FAM193A: variants seen among roughly 807,000 people sequenced by gnomAD.
FAM193A encodes family with sequence similarity 193 member A, also known as protein FAM193A.
Under a neutral mutation model 126.5 loss-of-function variants are expected in FAM193A, and 22 were observed. The observed-to-expected ratio is 0.17, with a 90% CI of 0.12 to 0.25. The LOEUF (loss-of-function observed/expected upper bound fraction) is 0.25. Ranked by LOEUF, FAM193A falls within the 10% of genes least tolerant of loss-of-function variation. The pLI, the probability that FAM193A is intolerant of heterozygous loss-of-function variation, is 1.00. For synonymous variants in FAM193A, 761 were observed against 646.8 expected (o/e 1.18, Z -2.68); for missense variants, 1,675 against 1,672.8 (o/e 1.00, Z -0.02).
At chr4:2,641,519 G>T (rs1744624950) in intron 6 of FAM193A, among the ~76,000 whole-genome samples, 1 of 152,110 alleles carries the variant, frequency 6.6e-6, no homozygotes, top group Non-Finnish European at 1.5e-5. Context: ...GCCGGGCGTA[G>T]TGGCGCATGC....
At chr4:2,536,570 G>T (rs1441549210), upstream of FAM193A, 1 of 147,980 alleles carries the variant, frequency 6.8e-6, no homozygotes, top group South Asian at 2.1e-4. Flanking sequence ...GAGTAAGGCG[G>T]GGTGGGGGTG....
rs116143348 is a variant in FAM193A at position 2,565,343 on chromosome 4, T to A, written c.255+28173T>A. Among the ~76,000 whole-genome samples, 1,113 of 141,020 alleles carry A rather than the reference T, an allele frequency of 7.9e-3. 14 individuals are homozygous for A. Among genetic ancestry groups the A allele is most frequent in the African/African-American group, 0.024 (944 of 38,988 alleles). 92.5% of individuals were successfully genotyped at this position (141,020 alleles called of 152,430 possible). On this transcript the variant is annotated intron_variant, in intron 1 of 20. Transcript: ENST00000637812. ...GGTGCGATTTCAGTTTACTACATCCTCTGCCTCCCAGGTTCAAGCAATTCT... is the reference window on the plus strand; with the variant it reads ...GGTGCGATTTCAGTTTACTACATCCACTGCCTCCCAGGTTCAAGCAATTCT...
chr4:2,536,468 C>T (rs1026348758), upstream of FAM193A, among the ~76,000 whole-genome samples: 1 of 151,438 alleles, frequency 6.6e-6, no homozygotes, highest in Non-Finnish European at 1.5e-5. Context: ...ACGGGCAGCA[C>T]GGACTTCAGT....
At chr4:2,544,360 G>A (rs755219001) in intron 1 of FAM193A, among the ~76,000 whole-genome samples, 11 of 151,946 alleles carry the variant, frequency 7.2e-5, no homozygotes, top group Non-Finnish European at 1.3e-4. Flanking sequence ...AGGAGTTCAG[G>A]ACCAGCTTGA....
chr4:2,655,003 G>T, intron 7 of FAM193A: 1 of 612,312 alleles, frequency 1.6e-6, no homozygotes, highest in South Asian at 1.9e-5. Flanking sequence ...TACAAATAAT[G>T]ATAGGTTTAT....
At chr4:2,716,375 A>G (rs867146832) in intron 20 of FAM193A, among the ~76,000 whole-genome samples, 21 of 151,862 alleles carry the variant, frequency 1.4e-4, no homozygotes, top group African/African-American at 4.6e-4. Flanking sequence ...TTCCCCGCCA[A>G]CTGGCTGTTG....
At chr4:2,565,062 G>T (rs1370026416) in intron 1 of FAM193A, among the ~76,000 whole-genome samples, 1 of 151,972 alleles carries the variant, frequency 6.6e-6, no homozygotes, top group Non-Finnish European at 1.5e-5. Context: ...GCCTCCCAAA[G>T]TACTGGGGGA....
chr4:2,570,787 C>T (rs7657814), intron 1 of FAM193A, among the ~76,000 whole-genome samples: 10,372 of 152,168 alleles, frequency 0.068, 627 homozygotes, highest in African/African-American at 0.16. Flanking sequence ...CCCCACTCCC[C>T]GGCCTGGGAG....
chr4:2,628,851 CTCTT>C (rs375976838), intron 4 of FAM193A, among the ~76,000 whole-genome samples: 45,647 of 146,028 alleles, frequency 0.31, 7,844 homozygotes, highest in Admixed American at 0.5. Flanking sequence ...TGCTGTCTCT[CTCTT>C]TTTTTTTTTT....
chr4:2,706,995 G>A (rs1718385787), intron 19 of FAM193A, among the ~76,000 whole-genome samples: 1 of 151,884 alleles, frequency 6.6e-6, no homozygotes, highest in Non-Finnish European at 1.5e-5. Context: ...GGTGGCGAGC[G>A]CCTGTGGTCC....
At chr4:2,580,097 CA>C (rs1296708832) in intron 1 of FAM193A, among the ~76,000 whole-genome samples, 1 of 152,112 alleles carries the variant, frequency 6.6e-6, no homozygotes, top group African/African-American at 2.4e-5. Flanking sequence ...GAATACTATG[CA>C]GCCATAAAAA....
intron 20 of FAM193A, among the ~76,000 whole-genome samples, chr4:2,717,549 T>C (rs1719677076): frequency 7.0e-6 from 1 of 143,286 alleles, no homozygotes; most frequent in South Asian, 2.2e-4. Context: ...TGAGCCGACA[T>C]AGCACCATTG....
intron 7 of FAM193A, among the ~76,000 whole-genome samples, chr4:2,654,265 G>A (rs1205636172): frequency 6.6e-6 from 1 of 151,890 alleles, no homozygotes; most frequent in African/African-American, 2.4e-5. Flanking sequence ...CTCTCAACTA[G>A]GCGGTGGTGT....
intron 16 of FAM193A, 60 bp downstream of exon 16, chr4:2,693,934 C>G (rs1406387952): frequency 6.6e-7 from 1 of 1,513,370 alleles, no homozygotes; most frequent in African/African-American, 1.4e-5. Flanking sequence ...TTATGCCTCA[C>G]TAACACAGCT....
At chr4:2,594,820 CT>C (rs386399069) in intron 1 of FAM193A, among the ~76,000 whole-genome samples, 93 of 62,232 alleles carry the variant, frequency 1.5e-3, no homozygotes, top group South Asian at 3.9e-3. Context: ...TTTTCTTTTC[CT>C]TTTTTTTTTT....
intron 19 of FAM193A, among the ~76,000 whole-genome samples, chr4:2,705,405 G>A (rs4690016): frequency 0.39 from 58,584 of 151,646 alleles, 11,956 homozygotes; most frequent in Admixed American, 0.56. Flanking sequence ...AAAGCTTTAC[G>A]CTAACATTGT....
chr4:2,620,836 CAAAAAAAAAA>C (rs34305537), intron 2 of FAM193A, among the ~76,000 whole-genome samples: 2 of 69,100 alleles, frequency 2.9e-5, no homozygotes, highest in Non-Finnish European at 2.7e-5. Context: ...AACTCCGTCT[CAAAAAAAAAA>C]AAAAAAAAAA....
chr4:2,573,097 A>G (rs759077199), intron 1 of FAM193A, among the ~76,000 whole-genome samples: 3 of 152,042 alleles, frequency 2.0e-5, no homozygotes, highest in Non-Finnish European at 2.9e-5. Flanking sequence ...GATAAGCAGG[A>G]ATCTCCTTTC....
In FAM193A at chr4:2,612,427, A is replaced by G. The variant is rs924616121; in HGVS notation, c.502-12835A>G. On this transcript the variant is annotated intron_variant, in intron 2 of 20. Coordinates refer to ENST00000637812, the MANE Select transcript of FAM193A (RefSeq NM_001366318.2). ...GGCAGGAGAATCACTTGAACCCAGG[A>G]GGTGGAGGTTGCAGTGAGCCGAGAT... Among the ~76,000 whole-genome samples the G allele has an allele frequency of 3.9e-5, 6 of 152,040 alleles. 1 individual carries two copies. The highest frequency in any genetic ancestry group is 2.0e-4 in the Admixed American group (3 of 15,266).
Sources: gnomAD v4.1 joint callset for allele counts (sites outside exome capture counted in the v4.1 genomes callset) on GRCh38, gnomAD v4.1.1 for gene constraint, MANE v1.5 for transcripts, NCBI Gene and HGNC (gene_info 2026-07-23, HGNC 2026-07-21) for gene names.